The following GALK2 variants were observed in gnomAD, a reference collection of about 807,000 sequenced individuals.
The protein encoded by GALK2 is galactokinase 2, also known as N-acetylgalactosamine kinase.
A neutral mutation model predicts 52.4 loss-of-function variants in GALK2; 36 were observed. The observed-to-expected ratio is 0.69, with a 90% CI of 0.53 to 0.91. The LOEUF (loss-of-function observed/expected upper bound fraction) is 0.91, where lower values mean the gene tolerates loss of function less well. Ranked by LOEUF, GALK2 falls within the 40% of genes least tolerant of loss-of-function variation. The probability of loss-of-function intolerance (pLI) is 0.00; values close to 1 mark genes in which losing one functional copy is unlikely to be tolerated. For missense variants in GALK2, 579 were observed against 559.1 expected (o/e 1.04, Z -0.36); for synonymous variants, 176 against 199.1 (o/e 0.88, Z 0.98).
At chr15:49,287,722 GAC>G (rs1380598704) in intron 7 of GALK2, among the ~76,000 whole-genome samples, 10 of 152,184 alleles carry the variant, frequency 6.6e-5, no homozygotes, top group African/African-American at 2.4e-4. Context: ...TTGAAAATGA[GAC>G]TGAGACTGAT....
chr15:49,223,969 C>G (rs2089981298), intron 3 of GALK2, among the ~76,000 whole-genome samples: 1 of 151,844 alleles, frequency 6.6e-6, no homozygotes, highest in Non-Finnish European at 1.5e-5. Flanking sequence ...AAACTCCAAA[C>G]TGCTTTCCAC....
At chr15:49,230,718 G>A (rs1040040384) in intron 3 of GALK2, among the ~76,000 whole-genome samples, 11 of 152,178 alleles carry the variant, frequency 7.2e-5, no homozygotes, top group Admixed American at 3.3e-4. Context: ...CACACACAGG[G>A]TAGACACTGG....
rs150619265 is a variant in GALK2, at chr15:49,311,536, C to T, written c.968-8068C>T. On this transcript the variant is annotated intron_variant, in intron 8 of 9. Coordinates refer to ENST00000560031, the MANE Select transcript of GALK2 (RefSeq NM_002044.4). The stretch of plus-strand genomic sequence containing the variant: ...ATAATCTCGACGTCTTTGCTCTTAA[C>T]GTTCTTTCTGCCCAACCCTTTTCTT... 2.3e-3 allele frequency among the ~76,000 whole-genome samples: 344 copies of T among 152,314 alleles called. 3 individuals carry two copies. Among genetic ancestry groups the T allele is most frequent in the African/African-American group, 7.1e-3 (295 of 41,578 alleles).
intron 3 of GALK2, among the ~76,000 whole-genome samples, chr15:49,221,677 T>TA (rs1286647355): frequency 2.0e-5 from 3 of 151,246 alleles, no homozygotes; most frequent in Non-Finnish European, 4.4e-5. Context: ...TTGAAAAAAA[T>TA]AAAAAAATTA....
chr15:49,361,753 T>C (rs568873870), intron 3 of GALK2, among the ~76,000 whole-genome samples: 22 of 152,284 alleles, frequency 1.4e-4, no homozygotes, highest in African/African-American at 5.3e-4. Flanking sequence ...TTCCTTTGGG[T>C]ATATACTCAG....
At chr15:49,354,995 G>A (rs868628833) in intron 3 of GALK2, among the ~76,000 whole-genome samples, 103 of 151,570 alleles carry the variant, frequency 6.8e-4, no homozygotes, top group African/African-American at 2.3e-3. Context: ...CACCTCACAC[G>A]GCAGGGTACT....
At chr15:49,298,968 T>C (rs1415319380) in intron 8 of GALK2, among the ~76,000 whole-genome samples, 1 of 152,198 alleles carries the variant, frequency 6.6e-6, no homozygotes, top group East Asian at 1.9e-4. Context: ...TTGGAATAAT[T>C]CCAGTAGGAT....
chr15:49,310,024 C>T (rs771336612), intron 8 of GALK2, among the ~76,000 whole-genome samples: 1 of 152,152 alleles, frequency 6.6e-6, no homozygotes, highest in African/African-American at 2.4e-5. Context: ...TCATTCTCTT[C>T]CTACTTGCCT....
chr15:49,297,192 C>A (rs1206104898), intron 8 of GALK2, among the ~76,000 whole-genome samples: 1 of 152,058 alleles, frequency 6.6e-6, no homozygotes, highest in Non-Finnish European at 1.5e-5. Flanking sequence ...AGATATTGAG[C>A]ATTTTTTATA....
intron 2 of GALK2, among the ~76,000 whole-genome samples, chr15:49,203,918 C>T (rs574243878): frequency 2.8e-4 from 42 of 152,210 alleles, no homozygotes; most frequent in African/African-American, 8.9e-4. Flanking sequence ...AGTTTGAAAG[C>T]AGCCTGGCCA....
intron 3 of GALK2, among the ~76,000 whole-genome samples, chr15:49,364,839 G>T (rs1204407861): frequency 6.6e-6 from 1 of 151,828 alleles, no homozygotes; most frequent in Non-Finnish European, 1.5e-5. Flanking sequence ...AAAGCATAGG[G>T]ATGGGTCAAG....
intron 5 of GALK2, among the ~76,000 whole-genome samples, chr15:49,260,413 G>C (rs2092044219): frequency 6.7e-6 from 1 of 148,990 alleles, no homozygotes; most frequent in African/African-American, 2.5e-5. Flanking sequence ...TCATGGGGTT[G>C]TTTGTTTTTT....
exon 1 of GALK2, chr15:49,155,814 A>T (rs1305688911): frequency 2.8e-6 from 2 of 718,136 alleles, no homozygotes; most frequent in Non-Finnish European, 2.3e-6. Flanking sequence ...GGCAACTGGG[A>T]CATCGTCCGG....
chr15:49,341,548 C>T (rs2040729563), intron 3 of GALK2, among the ~76,000 whole-genome samples: 2 of 152,122 alleles, frequency 1.3e-5, no homozygotes, highest in Admixed American at 1.3e-4. Flanking sequence ...GATGAGGTTT[C>T]ACCATGTTGC....
chr15:49,363,300 G>T (rs2044569617), intron 3 of GALK2, among the ~76,000 whole-genome samples: 1 of 152,000 alleles, frequency 6.6e-6, no homozygotes, highest in African/African-American at 2.4e-5. Context: ...TGATTTCTTT[G>T]AGCAATGTTT....
At position 49,329,809 on chromosome 15, in the gene GALK2, A is replaced by AAG; in HGVS notation, c.*1651_*1652insGA. 1.4e-6 allele frequency: 1 copy of AAG among 707,720 alleles called. No individual in the cohort carries two copies. The highest frequency in any genetic ancestry group is 1.7e-6 in the Non-Finnish European group (1 of 576,754). 43.8% of individuals were successfully genotyped at this position (707,720 alleles called of 1,614,324 possible). A position where few individuals can be genotyped will look rare whatever the true frequency, so the allele number is the denominator to read the frequency against. On this transcript the variant is annotated 3_prime_UTR_variant, in exon 10 of 10. Transcript: ENST00000560031. ...TTTAAAGATACCTGGATCAGTGTAA[A>AAG]AAAAAAAAAAAAAAGGCACCTGTCA... is the stretch of plus-strand genomic sequence containing the variant.
At chr15:49,245,316 G>T (rs1454450778) in intron 5 of GALK2, among the ~76,000 whole-genome samples, 2 of 152,178 alleles carry the variant, frequency 1.3e-5, no homozygotes, top group Non-Finnish European at 2.9e-5. Flanking sequence ...TTGCATTGGG[G>T]ATAGGGATGA....
chr15:49,358,015 A>C (rs979495168), intron 3 of GALK2, among the ~76,000 whole-genome samples: 7 of 152,068 alleles, frequency 4.6e-5, no homozygotes, highest in African/African-American at 1.7e-4. Context: ...GATGCAGAAA[A>C]AGCCTTTGAC....
chr15:49,310,708 C>A (rs550706815), intron 8 of GALK2, among the ~76,000 whole-genome samples: 1 of 152,070 alleles, frequency 6.6e-6, no homozygotes, highest in South Asian at 2.1e-4. Context: ...TCTATTCAGA[C>A]CCTTTGCCTA....
Sources: gnomAD v4.1 joint callset for allele counts (sites outside exome capture counted in the v4.1 genomes callset) on GRCh38, gnomAD v4.1.1 for gene constraint, MANE v1.5 for transcripts, NCBI Gene and HGNC (gene_info 2026-07-23, HGNC 2026-07-21) for gene names.